Variants in IGF2BP3 observed in about 807,000 individuals in gnomAD.
The protein encoded by IGF2BP3 is insulin-like growth factor 2 mRNA-binding protein 3.
IGF2BP3 carries 9 observed loss-of-function variants against 73.8 expected under a neutral mutation model. The observed-to-expected ratio is 0.12, with a 90% confidence interval of 0.07 to 0.21. IGF2BP3 has a LOEUF of 0.21. Ranked by LOEUF, IGF2BP3 falls within the 10% of genes least tolerant of loss-of-function variation. The pLI, the probability that IGF2BP3 is intolerant of heterozygous loss-of-function variation, is 1.00. For synonymous variants in IGF2BP3, 258 were observed against 256.7 expected (o/e 1.01, Z -0.05); for missense variants, 542 against 714.0 (o/e 0.76, Z 2.75).
In IGF2BP3 at chr7:23,351,571, C is replaced by T; in HGVS notation, c.417G>A (p.Leu139=). ...TGAAATTCTCTAACTGAAATCCATT[C>T]AGTTTGTCTAGTGCTCTGAAAGTTG... ...KDQARQALDK[L]NGFQLENFTL... The change falls in exon 6 of 15, where the codon CTG becomes CTA. Residue 139 remains leucine (L), a synonymous_variant. Transcript: ENST00000258729. The T allele has an allele frequency of 6.2e-7, 1 of 1,614,042 alleles. No individual in the cohort carries two copies. The highest frequency in any genetic ancestry group is 8.5e-7 in the Non-Finnish European group (1 of 1,180,004).
intron 2 of IGF2BP3, among the ~76,000 whole-genome samples, chr7:23,424,678 A>G (rs1335833897): frequency 6.6e-6 from 1 of 152,156 alleles, no homozygotes; most frequent in Non-Finnish European, 1.5e-5. Flanking sequence ...TGAAACCAGG[A>G]GTTCCAGACA....
intron 3 of IGF2BP3, among the ~76,000 whole-genome samples, chr7:23,385,953 T>C (rs1182597364): frequency 6.6e-6 from 1 of 152,236 alleles, no homozygotes; most frequent in Non-Finnish European, 1.5e-5. Flanking sequence ...GAATTTTTTA[T>C]ATGTGATGAT....
chr7:23,424,909 G>A (rs1787464627), intron 2 of IGF2BP3, among the ~76,000 whole-genome samples: 1 of 152,160 alleles, frequency 6.6e-6, no homozygotes, highest in Non-Finnish European at 1.5e-5. Flanking sequence ...CCCATCACCT[G>A]TTTCAATTAA....
intron 2 of IGF2BP3, chr7:23,450,640 T>C (rs1190016642): frequency 6.6e-6 from 1 of 152,184 alleles, no homozygotes; most frequent in African/African-American, 2.4e-5. Context: ...GAAACTAGAC[T>C]TTAAAAAAAC....
At chr7:23,338,120 A>G (rs2128499736) in intron 10 of IGF2BP3, among the ~76,000 whole-genome samples, 1 of 152,324 alleles carries the variant, frequency 6.6e-6, no homozygotes, top group Non-Finnish European at 1.5e-5. Context: ...TAACGGCAAC[A>G]TCCCACAGAG....
chr7:23,432,716 T>C lies in IGF2BP3; in HGVS notation c.237-13892A>G, dbSNP rs147781582. On this transcript the variant is annotated intron_variant, in intron 2 of 14. Transcript: ENST00000258729. ...GTGCAAACGGCATGATCTCTGCCCA[T>C]TGCAGCCTCAACCTCCGAGGTTCAT... 6.3e-3 allele frequency among the ~76,000 whole-genome samples: 959 copies of C among 152,038 alleles called. 13 individuals are homozygous for C. The highest frequency in any genetic ancestry group is 0.021 in the African/African-American group (853 of 41,478).
intron 3 of IGF2BP3, chr7:23,394,705 C>CA (rs1786393322): frequency 2.0e-5 from 3 of 152,116 alleles, no homozygotes; most frequent in African/African-American, 7.2e-5. Context: ...CCAAGGGAAG[C>CA]ATATAAGCAA....
At chr7:23,363,659 T>C (rs977935893) in intron 3 of IGF2BP3, among the ~76,000 whole-genome samples, 1 of 152,258 alleles carries the variant, frequency 6.6e-6, no homozygotes, top group Non-Finnish European at 1.5e-5. Flanking sequence ...TAAATTTCTT[T>C]TGCATGAGGT....
At position 23,317,740 on chromosome 7, in the gene IGF2BP3, G is replaced by A. The variant is rs765494756; in HGVS notation, c.1321-27C>T. ...TGTAACAGACCCAACAACAAGTTATGATACTTTCAGGTATCACTGATAGGC... is the reference window on the plus strand; with the variant it reads ...TGTAACAGACCCAACAACAAGTTATAATACTTTCAGGTATCACTGATAGGC... On this transcript the variant is annotated intron_variant, in intron 11 of 14. Coordinates refer to ENST00000258729, the MANE Select transcript of IGF2BP3 (RefSeq NM_006547.3). 5.0e-6 allele frequency: 8 copies of A among 1,590,210 alleles called. No individual in the cohort carries two copies. The East Asian group carries it at 1.6e-4, about 31-fold the overall frequency.
chr7:23,385,114 C>A (rs908526927), intron 3 of IGF2BP3, among the ~76,000 whole-genome samples: 1 of 152,080 alleles, frequency 6.6e-6, no homozygotes. Context: ...AGAAGTGTTT[C>A]AATTAATAAA....
intron 3 of IGF2BP3, among the ~76,000 whole-genome samples, chr7:23,379,228 C>T (rs1013506744): frequency 6.6e-6 from 1 of 152,168 alleles, no homozygotes; most frequent in Non-Finnish European, 1.5e-5. Context: ...TTCTACAAGG[C>T]AAACCAAGGT....
chr7:23,327,580 C>T (rs80171243), intron 10 of IGF2BP3, among the ~76,000 whole-genome samples: 2,853 of 152,226 alleles, frequency 0.019, 89 homozygotes, highest in African/African-American at 0.065. Flanking sequence ...CGCACCCGTC[C>T]TGAAATTCTT....
rs997434145 is a variant in IGF2BP3, at chr7:23,317,828, G to A, written c.1321-115C>T. On this transcript the variant is annotated intron_variant, in intron 11 of 14. Transcript: ENST00000258729. Reference sequence around the variant, plus strand: ...GCTGAAATGCAGAATTAAAGCCTTCGTGAAGGAAATTAGGGAGAGGCAGCA... The same window carrying A: ...GCTGAAATGCAGAATTAAAGCCTTCATGAAGGAAATTAGGGAGAGGCAGCA... The A allele has an allele frequency of 6.0e-6, 5 of 834,456 alleles. No homozygotes were observed. In the East Asian group the frequency reaches 7.4e-5, roughly 12 times the overall value. 51.7% of individuals were successfully genotyped at this position (834,456 alleles called of 1,614,324 possible).
intron 3 of IGF2BP3, among the ~76,000 whole-genome samples, chr7:23,388,754 C>T (rs1382371491): frequency 6.6e-6 from 1 of 151,716 alleles, no homozygotes; most frequent in Non-Finnish European, 1.5e-5. Context: ...TCTCAAATGT[C>T]TTTAGTTTAA....
intron 2 of IGF2BP3, among the ~76,000 whole-genome samples, chr7:23,439,484 G>C (rs1302507053): frequency 1.3e-5 from 2 of 150,816 alleles, no homozygotes; most frequent in South Asian, 2.1e-4. Flanking sequence ...GCGTGAGTAG[G>C]GGGCGGAGCT....
intron 3 of IGF2BP3, among the ~76,000 whole-genome samples, chr7:23,385,785 T>A (rs1786064610): frequency 6.6e-6 from 1 of 152,234 alleles, no homozygotes; most frequent in African/African-American, 2.4e-5. Flanking sequence ...TGCCCAAAGC[T>A]GGTCTCAAAT....
chr7:23,344,580 C>T (rs1330973867), intron 8 of IGF2BP3, among the ~76,000 whole-genome samples: 1 of 152,226 alleles, frequency 6.6e-6, no homozygotes, highest in Non-Finnish European at 1.5e-5. Context: ...TACCTGAAAA[C>T]ACCTAAGCCT....
At chr7:23,433,116 T>C (rs1787727667) in intron 2 of IGF2BP3, among the ~76,000 whole-genome samples, 1 of 152,128 alleles carries the variant, frequency 6.6e-6, no homozygotes, top group Admixed American at 6.6e-5. Context: ...AAAATTAGAG[T>C]GGTAAGAAAG....
At chr7:23,393,009 G>C (rs940222296) in intron 3 of IGF2BP3, among the ~76,000 whole-genome samples, 1 of 152,138 alleles carries the variant, frequency 6.6e-6, no homozygotes, top group African/African-American at 2.4e-5. Flanking sequence ...AATTTCTTAG[G>C]AGTTTCTAGA....
Sources: allele counts gnomAD v4.1 joint callset (sites outside exome capture counted in the v4.1 genomes callset), GRCh38; gene constraint gnomAD v4.1.1; transcripts MANE v1.5; gene names NCBI Gene and HGNC (gene_info 2026-07-23, HGNC 2026-07-21).